CAD: variants seen among roughly 807,000 people sequenced by gnomAD.
CAD encodes carbamoyl-phosphate synthetase 2, aspartate transcarbamylase, and dihydroorotase, also known as multifunctional protein CAD.
In CAD, 81 loss-of-function variants were observed where a neutral mutation model predicts 237.2. The ratio of observed to expected loss-of-function variants is 0.34; its 90% confidence interval spans 0.29 to 0.41. The LOEUF is 0.41. CAD is among the 10% of genes least tolerant of loss of function. The probability of loss-of-function intolerance (pLI) is 1.00; values close to 1 mark genes in which losing one functional copy is unlikely to be tolerated. For synonymous variants in CAD, 1,196 were observed against 1,162.8 expected, an observed-to-expected ratio of 1.03 and a Z score of -0.58; for missense variants, 2,181 against 2,951.7, an observed-to-expected ratio of 0.74 and a Z score of 6.05.
Position 27,235,982 on chromosome 2 carries a change from GAA to G in CAD, c.4075-299_4075-298del. The G allele has an allele frequency of 2.0e-6, 1 of 496,588 alleles. No homozygotes were observed. Among genetic ancestry groups the G allele is most frequent in the Non-Finnish European group, 3.6e-6 (1 of 280,476 alleles). The allele number at this position is 496,588 out of a possible 1,614,324, so 30.8% of individuals were successfully genotyped here. ...AAGCAGAATACACAGGAAGCAAAGA[GAA>G]AAGTCTCTTAAAATCTCTGTACCAC... On this transcript the variant is annotated intron_variant, in intron 25 of 43. Coordinates refer to ENST00000264705, the MANE Select transcript of CAD (RefSeq NM_004341.5). This position sits in a 1 kb window ranked among gnomAD's most constrained non-coding sequence, Gnocchi z 5.2.
chr2:27,217,513 G>T lies in CAD; in HGVS notation c.-39G>T. The T allele has an allele frequency of 6.5e-7, 1 of 1,536,686 alleles. No homozygotes were observed. Among genetic ancestry groups the T allele is most frequent in the Non-Finnish European group, 8.9e-7 (1 of 1,125,988 alleles). On this transcript the variant is annotated 5_prime_UTR_variant, in exon 1 of 44. Coordinates refer to ENST00000264705, the MANE Select transcript of CAD (RefSeq NM_004341.5). Reference sequence around the variant, plus strand: ...TCCAGTGGAGTTTGCAGTCCTTCCCGCTTCTCCGTACTCGCCCCCGCCTCT... The same window carrying T: ...TCCAGTGGAGTTTGCAGTCCTTCCCTCTTCTCCGTACTCGCCCCCGCCTCT...
Position 27,238,052 on chromosome 2 carries a change from C to A in CAD, c.4729-4C>A. 1.2e-6 allele frequency: 2 copies of A among 1,614,068 alleles called. No homozygotes were observed. The highest frequency in any genetic ancestry group is 1.7e-6 in the Non-Finnish European group (2 of 1,179,960). ...ACTCCTTCATCAGTTCTTTCTGCTC[C>A]CAGCATTTCGAGACATGGCCCTCCC... On this transcript the variant is annotated splice_region_variant and splice_polypyrimidine_tract_variant and intron_variant, in intron 29 of 43. Coordinates refer to ENST00000264705, the MANE Select transcript of CAD (RefSeq NM_004341.5).
Position 27,222,571 on chromosome 2 carries a change from G to A in CAD, c.548G>A (p.Cys183Tyr). The change falls in exon 5 of 44, where the codon TGT becomes TAT. Residue 183 changes from cysteine to tyrosine, a missense_variant. Cys to Tyr is a radical substitution (Grantham distance 194). This residue lies in a region of CAD where 314 missense variants were observed against 339.4 expected (regional missense o/e 0.93). Transcript: ENST00000264705. ...GGAPRILALD[C>Y]GLKYNQIRCL... ...GCCCCTCGGATCCTTGCTTTGGACTGTGGCCTCAAGTATAATCAGATCCGA... is the reference window on the plus strand; with the variant it reads ...GCCCCTCGGATCCTTGCTTTGGACTATGGCCTCAAGTATAATCAGATCCGA... 3 of 1,614,136 alleles carry A rather than the reference G, an allele frequency of 1.9e-6. No individual in the cohort carries two copies. Among genetic ancestry groups the A allele is most frequent in the Non-Finnish European group, 2.5e-6 (3 of 1,180,002 alleles).
rs199990394 is a variant in CAD at position 27,237,823 on chromosome 2, C to G, written c.4669C>G (p.Leu1557Val). 2.7e-4 allele frequency: 441 copies of G among 1,614,076 alleles called. No individual in the cohort carries two copies. Among genetic ancestry groups the G allele is most frequent in the Non-Finnish European group, 3.4e-4 (405 of 1,180,042 alleles). ...GGCCGGGTCTGCAGCCGGGCTGAAG[C>G]TTTACCTCAATGAGACCTTCTCTGA... ...TVAGSAAGLKLYLNETFSELR... is the reference protein window; with the variant it reads ...TVAGSAAGLKVYLNETFSELR... Residue 1557 changes from leucine (L) to valine (V), a missense_variant, in exon 29 of 44, where the codon CTT becomes GTT. Physicochemically the swap from Leu to Val is conservative, Grantham distance 32. Around this residue, in one of 12 missense-constraint regions of CAD, gnomAD observed 478 missense variants for 515.0 expected, o/e 0.93. Coordinates refer to ENST00000264705, the MANE Select transcript of CAD (RefSeq NM_004341.5). This position sits in a 1 kb window ranked among gnomAD's most constrained non-coding sequence, Gnocchi z 4.0.
At position 27,218,215 on chromosome 2, in the gene CAD, C is replaced by T. The variant is rs185751874; in HGVS notation, c.222+199C>T. 2.0e-5 allele frequency among the ~76,000 whole-genome samples: 3 copies of T among 152,264 alleles called. No individual in the cohort carries two copies. The East Asian group carries it at 5.8e-4, about 29-fold the overall frequency. On this transcript the variant is annotated intron_variant, in intron 2 of 43. Transcript: ENST00000264705. ...CTTGGGAGGCACAGAGTGTTGGAGG[C>T]CTCAGGAAAAAGCTACCGCCTTTGT...
At chr2:27,225,481 T>G (rs1675399390) in intron 11 of CAD, among the ~76,000 whole-genome samples, 1 of 151,986 alleles carries the variant, frequency 6.6e-6, no homozygotes, top group African/African-American at 2.4e-5. Flanking sequence ...TAATTTTGTA[T>G]TTTTAGTAGA....
chr2:27,224,918 G>T (rs1334197263), intron 10 of CAD, 42 bp downstream of exon 10: 2 of 1,611,708 alleles, frequency 1.2e-6, no homozygotes, highest in African/African-American at 2.7e-5. Flanking sequence ...GGACTGGGCA[G>T]GGGGGCCCAG....
In CAD at chr2:27,239,013, C is replaced by T. The variant is rs1186283512; in HGVS notation, c.5063-29C>T. The T allele has an allele frequency of 6.5e-7, 1 of 1,531,350 alleles. No individual in the cohort carries two copies. 94.9% of individuals were successfully genotyped at this position (1,531,350 alleles called of 1,614,324 possible). On this transcript the variant is annotated intron_variant, in intron 31 of 43. Transcript: ENST00000264705. The surrounding 1 kb of genome is among the most constrained non-coding windows in gnomAD (Gnocchi z 4.0). ...CTTCCTAGACATGGAGGTGATTGGTCCTGAGGGTAATGGCTTTCTTTCTCC... is the reference window on the plus strand; with the variant it reads ...CTTCCTAGACATGGAGGTGATTGGTTCTGAGGGTAATGGCTTTCTTTCTCC...
At position 27,241,070 on chromosome 2, in the gene CAD, C is replaced by T. The variant is rs200246796; in HGVS notation, c.5651C>T (p.Thr1884Ile). 1 of 1,609,986 alleles carries T rather than the reference C, an allele frequency of 6.2e-7. No homozygotes were observed. Among genetic ancestry groups the T allele is most frequent in the African/African-American group, 1.3e-5 (1 of 74,826 alleles). ...RKVAEPELMG[T>I]PDGTCYPPPP... Reference sequence around the variant, plus strand: ...TCCCTCACTGCAGAGCTGATGGGAACCCCTGATGGCACCTGCTACCCTCCA... The same window carrying T: ...TCCCTCACTGCAGAGCTGATGGGAATCCCTGATGGCACCTGCTACCCTCCA... The change falls in exon 37 of 44, where the codon ACC (threonine) becomes ATC (isoleucine). Residue 1884 changes from threonine to isoleucine, a missense_variant. Physicochemically the swap from Thr to Ile is moderately conservative, Grantham distance 89. This residue lies in a region of CAD where 203 missense variants were observed against 284.5 expected (regional missense o/e 0.71). Transcript: ENST00000264705. The surrounding 1 kb of genome is among the most constrained non-coding windows in gnomAD (Gnocchi z 4.6).
Position 27,240,883 on chromosome 2 carries a change from T to C in CAD, c.5594-28T>C, listed in dbSNP as rs1676283833. 1 of 1,613,096 alleles carries C rather than the reference T, an allele frequency of 6.2e-7. No individual in the cohort carries two copies. Among genetic ancestry groups the C allele is most frequent in the Non-Finnish European group, 8.5e-7 (1 of 1,179,100 alleles). ...TCTTTCCAAACCTCAGCCATAAATG[T>C]ATATCTGTCCTCTTGTCCTGTTTGC... On this transcript the variant is annotated intron_variant, in intron 35 of 43. Coordinates refer to ENST00000264705, the MANE Select transcript of CAD (RefSeq NM_004341.5). The surrounding 1 kb of genome is among the most constrained non-coding windows in gnomAD (Gnocchi z 4.6).
chr2:27,227,023 C>T, intron 15 of CAD, 61 bp downstream of exon 15: 11 of 1,484,546 alleles, frequency 7.4e-6, no homozygotes, highest in Admixed American at 1.7e-5. Flanking sequence ...TCTTAAATGT[C>T]AAGAGTTCCC....
In CAD at chr2:27,236,911, G is replaced by A; in HGVS notation, c.4396+81G>A. On this transcript the variant is annotated intron_variant, in intron 27 of 43. Transcript: ENST00000264705. This position sits in a 1 kb window ranked among gnomAD's most constrained non-coding sequence, Gnocchi z 4.1. ...CCTGCAGTGTGGTGAAGGATGGCTG[G>A]GGGGCCCACTCTTTGTCCTGGACTG... 1.7e-6 allele frequency: 2 copies of A among 1,153,630 alleles called. No individual in the cohort carries two copies. Among genetic ancestry groups the A allele is most frequent in the Non-Finnish European group, 2.6e-6 (2 of 760,150 alleles). The allele number at this position is 1,153,630 out of a possible 1,614,324, so 71.5% of individuals were successfully genotyped here.
Position 27,223,902 on chromosome 2 carries a change from C to A in CAD, c.996-15C>A. 1 of 1,594,728 alleles carries A rather than the reference C, an allele frequency of 6.3e-7. No homozygotes were observed. The highest frequency in any genetic ancestry group is 8.6e-7 in the Non-Finnish European group (1 of 1,162,392). On this transcript the variant is annotated splice_polypyrimidine_tract_variant and intron_variant, in intron 7 of 43. Coordinates refer to ENST00000264705, the MANE Select transcript of CAD (RefSeq NM_004341.5). Reference sequence around the variant, plus strand: ...AGGGACCATGATGGTTTTCATGATGCAATCTCTTCAATAGTGTCCAGTTTC... The same window carrying A: ...AGGGACCATGATGGTTTTCATGATGAAATCTCTTCAATAGTGTCCAGTTTC...
Position 27,239,419 on chromosome 2 carries a change from G to T in CAD, c.5342G>T (p.Gly1781Val), listed in dbSNP as rs746206275. 3.1e-6 allele frequency: 5 copies of T among 1,614,084 alleles called. No individual in the cohort carries two copies. The highest frequency in any genetic ancestry group is 4.2e-6 in the Non-Finnish European group (5 of 1,179,968). ...CCTTTTGAAGGGCAGAAAGTGAAGG[G>T]CACCGTCCGCCGTGTGGTCCTGCGA... is the stretch of plus-strand genomic sequence containing the variant. ...WTPFEGQKVK[G>V]TVRRVVLRGE... Residue 1781 changes from glycine (G) to valine (V), a missense_variant, in exon 33 of 44, where the codon GGC becomes GTC. This residue lies in a region of CAD where 478 missense variants were observed against 515.0 expected (regional missense o/e 0.93). Transcript: ENST00000264705. This position sits in a 1 kb window ranked among gnomAD's most constrained non-coding sequence, Gnocchi z 4.0.
At chr2:27,228,861 G>A (rs947091431) in intron 15 of CAD, among the ~76,000 whole-genome samples, 1 of 151,204 alleles carries the variant, frequency 6.6e-6, no homozygotes, top group Non-Finnish European at 1.5e-5. Context: ...AAAGTGCTGG[G>A]ATTACAGGCC....
Position 27,221,247 on chromosome 2 carries a change from A to C in CAD, c.252A>C (p.Ala84=). ...KWFESSGIHV[A]ALVVGECCPT... ...TTGAATCCTCGGGCATCCACGTAGCAGCACTGGTAGTGGGAGAGTGCTGTC... is the reference window on the plus strand; with the variant it reads ...TTGAATCCTCGGGCATCCACGTAGCCGCACTGGTAGTGGGAGAGTGCTGTC... The change falls in exon 3 of 44, where the codon GCA becomes GCC. Residue 84 remains alanine, a synonymous_variant. Transcript: ENST00000264705. 1 of 1,577,886 alleles carries C rather than the reference A, an allele frequency of 6.3e-7. No individual in the cohort carries two copies. The highest frequency in any genetic ancestry group is 8.6e-7 in the Non-Finnish European group (1 of 1,160,156).
chr2:27,225,731 G>A lies in CAD; in HGVS notation c.1647G>A (p.Gly549=). 4 of 1,614,096 alleles carry A rather than the reference G, an allele frequency of 2.5e-6. No individual in the cohort carries two copies. The highest frequency in any genetic ancestry group is 2.2e-5 in the South Asian group (2 of 91,086). ...CCCAGGCAGCCGCTGAACGGCTGGG[G>A]TACCCTGTGCTAGTGCGTGCAGCCT... ...EQAQAAAERL[G]YPVLVRAAFA... Residue 549 remains glycine, a synonymous_variant, in exon 12 of 44, where the codon GGG becomes GGA. Transcript: ENST00000264705.
chr2:27,222,226 C>G lies in CAD; in HGVS notation c.385C>G (p.Arg129Gly). 1 of 1,613,900 alleles carries G rather than the reference C, an allele frequency of 6.2e-7. No individual in the cohort carries two copies. The highest frequency in any genetic ancestry group is 8.5e-7 in the Non-Finnish European group (1 of 1,179,930). ...CACTCGGGAGCTGACCAAGAAGTTG[C>G]GGGAACAGGGGTCTCTGCTGGGGAA... ...VDTRELTKKL[R>G]EQGSLLGKLV... Residue 129 changes from arginine (R) to glycine (G), a missense_variant, in exon 4 of 44, where the codon CGG becomes GGG. Coordinates refer to ENST00000264705, the MANE Select transcript of CAD (RefSeq NM_004341.5).
intron 11 of CAD, 141 bp from the exon 12 acceptor site, chr2:27,225,564 G>A (rs1174230695): frequency 4.1e-6 from 2 of 487,338 alleles, no homozygotes; most frequent in Admixed American, 4.5e-5. Context: ...CCCGACCCTC[G>A]GCCTCCCAAA....
Sources: gnomAD v4.1 joint callset for allele counts (sites outside exome capture counted in the v4.1 genomes callset) on GRCh38, gnomAD v4.1.1 for gene constraint, gnomAD v4.1.1 regional missense constraint, Gnocchi (gnomAD v3.1) non-coding constraint, MANE v1.5 for transcripts, NCBI Gene and HGNC (gene_info 2026-07-23, HGNC 2026-07-21) for gene names.